The following MEGF10 variants were observed in gnomAD, a reference collection of about 807,000 sequenced individuals.
The protein encoded by MEGF10 is multiple EGF like domains 10.
A neutral mutation model predicts 147.5 loss-of-function variants in MEGF10; 86 were observed. The ratio of observed to expected loss-of-function variants is 0.58; its 90% CI spans 0.49 to 0.70. MEGF10 has a LOEUF of 0.70. MEGF10 is among the 30% of genes least tolerant of loss of function. The probability of loss-of-function intolerance (pLI) is 0.00; values close to 1 mark genes in which losing one functional copy is unlikely to be tolerated. For missense variants in MEGF10, 1,329 were observed against 1,487.3 expected, an observed-to-expected ratio of 0.89 and a Z score of 1.75; for synonymous variants, 478 against 525.5, an observed-to-expected ratio of 0.91 and a Z score of 1.24.
chr5:127,391,093 C>CGTGT (rs1190539286), intron 5 of MEGF10, among the ~76,000 whole-genome samples: 3 of 27,602 alleles, frequency 1.1e-4, no homozygotes, highest in African/African-American at 2.2e-4. Context: ...CACATGCGCG[C>CGTGT]GCGCGCGCGC....
At chr5:127,253,760 A>G in the MEGF10 span, among the ~76,000 whole-genome samples, 4 of 152,060 alleles carry the variant, frequency 2.6e-5, no homozygotes, top group Non-Finnish European at 5.9e-5. Context: ...CACAGGACTT[A>G]TAACAAGAAA....
chr5:127,433,336 A>AGCCTT (rs1765448977), intron 13 of MEGF10, 27 bp from the exon 14 acceptor site: 2 of 1,613,978 alleles, frequency 1.2e-6, no homozygotes, highest in Non-Finnish European at 1.7e-6. Context: ...CCTCTCACTC[A>AGCCTT]GCCTTGCCCC....
Position 127,419,233 on chromosome 5 carries a change from C to T in MEGF10, c.1419C>T (p.Cys473=). 6.2e-7 allele frequency: 1 copy of T among 1,613,052 alleles called. No individual in the cohort carries two copies. Among genetic ancestry groups the T allele is most frequent in the Non-Finnish European group, 8.5e-7 (1 of 1,179,748 alleles). ...CTCCTGTGGACGGGTCTTGTACTTG[C>T]AAGGCAGGTAAGAATGGGTAAATAA... ...VCSPVDGSCT[C]KAGWHGVDCS... Residue 473 remains cysteine (C), a synonymous_variant, in exon 11 of 25, where the codon TGC becomes TGT. Transcript: ENST00000503335.
intron 5 of MEGF10, among the ~76,000 whole-genome samples, chr5:127,391,098 G>GCACA (rs1158697334): frequency 4.5e-3 from 135 of 29,766 alleles, no homozygotes; most frequent in African/African-American, 8.7e-3. Flanking sequence ...GCGCGCGCGC[G>GCACA]CGCGCACACA....
chr5:127,239,223 C>G, the MEGF10 span, among the ~76,000 whole-genome samples: 1 of 151,444 alleles, frequency 6.6e-6, no homozygotes, highest in Non-Finnish European at 1.5e-5. Flanking sequence ...GATCCTGGAT[C>G]GGGGGGAAAA....
At chr5:127,373,866 T>G (rs1762932805) in intron 5 of MEGF10, among the ~76,000 whole-genome samples, 2 of 152,206 alleles carry the variant, frequency 1.3e-5, no homozygotes. Context: ...CCAGACCTGC[T>G]GGAGAGGGCA....
At chr5:127,265,159 C>G in the MEGF10 span, among the ~76,000 whole-genome samples, 1 of 152,130 alleles carries the variant, frequency 6.6e-6, no homozygotes, top group Non-Finnish European at 1.5e-5. Context: ...TGAGTGAGAA[C>G]ATGCAGTGTT....
At chr5:127,235,187 T>C in the MEGF10 span, among the ~76,000 whole-genome samples, 3 of 152,220 alleles carry the variant, frequency 2.0e-5, no homozygotes, top group Non-Finnish European at 2.9e-5. Context: ...TGCTTATAAC[T>C]GCATTGTCCT....
chr5:127,295,140 T>C (rs556354577), intron 1 of MEGF10, among the ~76,000 whole-genome samples: 1 of 152,312 alleles, frequency 6.6e-6, no homozygotes, highest in South Asian at 2.1e-4. Context: ...TCTTTCCTTC[T>C]TTCCTGAAAG....
At chr5:127,302,240 G>A (rs375906613) in intron 1 of MEGF10, among the ~76,000 whole-genome samples, 1 of 152,100 alleles carries the variant, frequency 6.6e-6, no homozygotes, top group Non-Finnish European at 1.5e-5. Flanking sequence ...AACTGATAAA[G>A]GGATAAACAA....
the MEGF10 span, among the ~76,000 whole-genome samples, chr5:127,244,195 CAAAAAAAAAA>C: frequency 1.8e-4 from 13 of 70,600 alleles, no homozygotes; most frequent in East Asian, 4.2e-4. Context: ...AAACTCTGTC[CAAAAAAAAAA>C]AAAAAAAAAA....
chr5:127,323,386 A>G (rs150697959), intron 1 of MEGF10, among the ~76,000 whole-genome samples: 1 of 152,362 alleles, frequency 6.6e-6, no homozygotes, highest in African/African-American at 2.4e-5. Flanking sequence ...GTGGAAGAAT[A>G]GCAGATGTAC....
intron 17 of MEGF10, among the ~76,000 whole-genome samples, chr5:127,439,179 C>A (rs1048801333): frequency 5.9e-5 from 9 of 152,148 alleles, no homozygotes; most frequent in Non-Finnish European, 1.3e-4. Context: ...TTCATAGCAT[C>A]CTAACCATTT....
At chr5:127,256,748 C>T in the MEGF10 span, among the ~76,000 whole-genome samples, 1 of 152,234 alleles carries the variant, frequency 6.6e-6, no homozygotes, top group Non-Finnish European at 1.5e-5. Context: ...TGTAAGTCAA[C>T]ATTTTATAGA....
At chr5:127,454,470 G>T (rs907552906) in intron 22 of MEGF10, 96 bp from the exon 23 acceptor site, 6 of 1,045,328 alleles carry the variant, frequency 5.7e-6, no homozygotes, top group Non-Finnish European at 8.5e-6. Context: ...GTTGTTTGCT[G>T]CAGTGGGAGA....
In MEGF10 at chr5:127,455,616, C is replaced by T. The variant is rs754880784; in HGVS notation, c.3232+9C>T. The stretch of plus-strand genomic sequence containing the variant: ...GAATGTCTATGAAGTTGGTGAGTTC[C>T]CTTAACCATAGAAAGAACCGAGTGC... On this transcript the variant is annotated intron_variant, in intron 24 of 24. Coordinates refer to ENST00000503335, the MANE Select transcript of MEGF10 (RefSeq NM_001256545.2). 1.9e-6 allele frequency: 3 copies of T among 1,612,750 alleles called. No homozygotes were observed. The highest frequency in any genetic ancestry group is 1.1e-5 in the South Asian group (1 of 90,844).
chr5:127,320,615 G>A lies in MEGF10; in HGVS notation c.-18-10676G>A, dbSNP rs376853909. Among the ~76,000 whole-genome samples, 107 of 142,880 alleles carry A rather than the reference G, an allele frequency of 7.5e-4. 1 individual carries two copies. Among genetic ancestry groups the A allele is most frequent in the African/African-American group, 2.6e-3 (105 of 41,158 alleles). 93.7% of individuals were successfully genotyped at this position (142,880 alleles called of 152,430 possible). On this transcript the variant is annotated intron_variant, in intron 1 of 24. Transcript: ENST00000503335. ...GATTGGCCAGGAAGTGGAAGTGGGA[G>A]GTGAGGCTGCCCAAGCATTTTCTCC...
rs553016798 is a variant in MEGF10 at position 127,376,519 on chromosome 5, CA to C, written c.412+6518del. Among the ~76,000 whole-genome samples, 708 of 152,180 alleles carry C rather than the reference CA, an allele frequency of 4.7e-3. 8 individuals carry two copies. Among genetic ancestry groups the C allele is most frequent in the Admixed American group, 5.8e-3 (88 of 15,274 alleles). ...TAGGTGTAAACAGGTTTCTAGGTATCAGGGGTGCTGGTGGGCAATGGGATGG... is the reference window on the plus strand; with the variant it reads ...TAGGTGTAAACAGGTTTCTAGGTATCGGGGTGCTGGTGGGCAATGGGATGG... On this transcript the variant is annotated intron_variant, in intron 5 of 24. Coordinates refer to ENST00000503335, the MANE Select transcript of MEGF10 (RefSeq NM_001256545.2).
chr5:127,261,771 T>C, the MEGF10 span, among the ~76,000 whole-genome samples: 3 of 152,184 alleles, frequency 2.0e-5, no homozygotes, highest in Admixed American at 1.3e-4. Context: ...TCTTATTATC[T>C]GTTTTTTAAA....
Sources: allele counts gnomAD v4.1 joint callset (sites outside exome capture counted in the v4.1 genomes callset), GRCh38; gene constraint gnomAD v4.1.1; transcripts MANE v1.5; gene names NCBI Gene and HGNC (gene_info 2026-07-23, HGNC 2026-07-21).